Variants in SALL3 observed in about 807,000 individuals in gnomAD.
SALL3 encodes the protein spalt like transcription factor 3, also known as sal-like protein 3.
Under a neutral mutation model 66.2 loss-of-function variants are expected in SALL3, and 25 were observed. That is an observed-to-expected ratio of 0.38 (90% confidence interval 0.28 to 0.53). The LOEUF is 0.53. Among genes scored for constraint, SALL3 ranks in the 20% least tolerant of loss-of-function variants. SALL3 has a pLI of 0.85. For missense variants in SALL3, 2,194 were observed against 1,916.5 expected (o/e 1.14, Z -2.70); for synonymous variants, 1,152 against 899.1 (o/e 1.28, Z -5.03).
chr18:78,992,471 C>T lies in SALL3; in HGVS notation c.480C>T (p.Gly160=), dbSNP rs1410205046. 5.5e-6 allele frequency: 8 copies of T among 1,447,896 alleles called. No homozygotes were observed. The highest frequency in any genetic ancestry group is 2.6e-5 in the South Asian group (2 of 77,938). The allele number at this position is 1,447,896 out of a possible 1,614,324, so 89.7% of individuals were successfully genotyped here. A position where few individuals can be genotyped will look rare whatever the true frequency, so the allele number is the denominator to read the frequency against. Residue 160 remains glycine, a synonymous_variant, in exon 2 of 3, where the codon GGC becomes GGT. Transcript: ENST00000537592. ...AAPAPPTPAY[G]APSTNVTLEA... is the part of the protein sequence containing the mutation. ...CTGCACCCCCAACGCCCGCCTACGG[C>T]GCGCCCAGCACCAACGTGACCCTGG...
chr18:78,993,669 T>C lies in SALL3; in HGVS notation c.1678T>C (p.Ser560Pro). The C allele has an allele frequency of 1.9e-6, 3 of 1,588,272 alleles. No individual in the cohort carries two copies. Among genetic ancestry groups the C allele is most frequent in the Non-Finnish European group, 2.6e-6 (3 of 1,174,324 alleles). ...CTCCCCGCAGAGGCCCTCGCCCGCC[T>C]CCAGCGAGTGCGCCTCCTTGTCCCC... Reference protein sequence around the residue: ...SRSPQRPSPASSECASLSPGL... With the variant: ...SRSPQRPSPAPSECASLSPGL... Residue 560 changes from serine (S) to proline (P), a missense_variant, in exon 2 of 3, where the codon TCC (serine) becomes CCC (proline). By Grantham distance (74) the Ser-to-Pro change is moderately conservative. Coordinates refer to ENST00000537592, the MANE Select transcript of SALL3 (RefSeq NM_171999.4).
Position 78,998,426 on chromosome 18 carries a change from C to T in SALL3, c.*1104C>T, listed in dbSNP as rs957488050. 3 of 151,956 alleles carry T rather than the reference C, an allele frequency of 2.0e-5. No individual in the cohort carries two copies. The highest frequency in any genetic ancestry group is 7.3e-5 in the African/African-American group (3 of 41,224). 9.4% of individuals were successfully genotyped at this position (151,956 alleles called of 1,614,324 possible). A position where few individuals can be genotyped will look rare whatever the true frequency, so the allele number is the denominator to read the frequency against. On this transcript the variant is annotated 3_prime_UTR_variant, in exon 3 of 3. Coordinates refer to ENST00000537592, the MANE Select transcript of SALL3 (RefSeq NM_171999.4). ...CACTTGAAAAGCCACCAAGACTTGTCAGCTTTTCAGTAAAGTAGGGCCTGC... is the reference window on the plus strand; with the variant it reads ...CACTTGAAAAGCCACCAAGACTTGTTAGCTTTTCAGTAAAGTAGGGCCTGC...
At chr18:78,990,750 A>C (rs1914402757) in intron 1 of SALL3, among the ~76,000 whole-genome samples, 1 of 152,180 alleles carries the variant, frequency 6.6e-6, no homozygotes, top group African/African-American at 2.4e-5. Context: ...GTTGGAACTG[A>C]TTTGTTGCCA....
Position 78,992,877 on chromosome 18 carries a change from G to C in SALL3, c.886G>C (p.Glu296Gln), listed in dbSNP as rs1157693303. The C allele has an allele frequency of 1.7e-4, 164 of 985,902 alleles. No homozygotes were observed. The highest frequency in any genetic ancestry group is 1.9e-4 in the Non-Finnish European group (162 of 831,986). 61.1% of individuals were successfully genotyped at this position (985,902 alleles called of 1,614,324 possible). Reference sequence around the variant, plus strand: ...GGGCGCGCAGCCGCTGTCCCGGCCCGAGTCTGGCGCCAGCACCCCCGGCGG... The same window carrying C: ...GGGCGCGCAGCCGCTGTCCCGGCCCCAGTCTGGCGCCAGCACCCCCGGCGG... The part of the protein sequence containing the change: ...FEGAQPLSRP[E>Q]SGASTPGGPA... Residue 296 changes from glutamate to glutamine, a missense_variant, in exon 2 of 3, where the codon GAG becomes CAG. Coordinates refer to ENST00000537592, the MANE Select transcript of SALL3 (RefSeq NM_171999.4).
chr18:78,992,032 C>T (rs765998816), intron 1 of SALL3, 42 bp from the exon 2 acceptor site: 4 of 1,374,652 alleles, frequency 2.9e-6, no homozygotes, highest in Non-Finnish European at 3.8e-6. Context: ...AGACGGAGGG[C>T]GGGCGCCGAG....
chr18:78,989,376 C>T (rs536168733), intron 1 of SALL3, among the ~76,000 whole-genome samples: 3 of 152,192 alleles, frequency 2.0e-5, no homozygotes, highest in African/African-American at 7.2e-5. Flanking sequence ...GCAAAAAGCA[C>T]AAGATCTTTG....
At chr18:78,980,725 C>CCGG (rs1568286901) in intron 1 of SALL3, among the ~76,000 whole-genome samples, 1 of 118,198 alleles carries the variant, frequency 8.5e-6, no homozygotes, top group East Asian at 2.2e-4. Flanking sequence ...GACGCTGAGG[C>CCGG]CGGCGGCGGC....
intron 1 of SALL3, among the ~76,000 whole-genome samples, chr18:78,989,620 T>TA (rs1394432871): frequency 6.6e-6 from 1 of 152,222 alleles, no homozygotes; most frequent in African/African-American, 2.4e-5. Context: ...ACACACTTTG[T>TA]AAAACTGTAA....
At chr18:78,985,427 C>T (rs574771372) in intron 1 of SALL3, among the ~76,000 whole-genome samples, 1 of 152,210 alleles carries the variant, frequency 6.6e-6, no homozygotes, top group Non-Finnish European at 1.5e-5. Flanking sequence ...GATTCGTCGG[C>T]GTTACTGGTC....
In SALL3 at chr18:78,993,295, T is replaced by C; in HGVS notation, c.1304T>C (p.Leu435Pro). The change falls in exon 2 of 3, where the codon CTC becomes CCC. Residue 435 changes from leucine to proline, a missense_variant. By Grantham distance (98) the Leu-to-Pro change is moderately conservative (BLOSUM62 -3). Transcript: ENST00000537592. ...CAKVFGSDSA[L>P]QIHLRSHTGE... ...AAGGTCTTCGGCAGCGACAGCGCGC[T>C]CCAGATCCACCTGCGCTCGCACACA... The C allele has an allele frequency of 6.2e-7, 1 of 1,611,556 alleles. No individual in the cohort carries two copies. The highest frequency in any genetic ancestry group is 1.1e-5 in the South Asian group (1 of 91,034).
Position 78,998,952 on chromosome 18 carries a change from C to T in SALL3, c.*1630C>T, listed in dbSNP as rs1381567214. The T allele has an allele frequency of 1.3e-5, 2 of 152,182 alleles. No individual in the cohort carries two copies. Among genetic ancestry groups the T allele is most frequent in the Non-Finnish European group, 2.9e-5 (2 of 68,046 alleles). The allele number at this position is 152,182 out of a possible 1,614,324, so 9.4% of individuals were successfully genotyped here. ...GTGTGCTGGCGTCTGACACTATGAA[C>T]TTCCAACAACAAAATTGTTCAAGAG... On this transcript the variant is annotated 3_prime_UTR_variant, in exon 3 of 3. Transcript: ENST00000537592.
chr18:78,995,338 A>C lies in SALL3; in HGVS notation c.3347A>C (p.Gln1116Pro). 6.4e-7 allele frequency: 1 copy of C among 1,571,740 alleles called. No homozygotes were observed. Among genetic ancestry groups the C allele is most frequent in the Non-Finnish European group, 8.6e-7 (1 of 1,165,092 alleles). ...PRRTPKQHNCQSCGKTFSSAS... is the reference protein window; with the variant it reads ...PRRTPKQHNCPSCGKTFSSAS... ...CGGACGCCCAAGCAGCACAACTGCC[A>C]GTCGTGCGGGAAGACCTTCTCCTCG... is the stretch of plus-strand genomic sequence containing the variant. The change falls in exon 2 of 3, where the codon CAG becomes CCG. Residue 1116 changes from glutamine (Q) to proline (P), a missense_variant. By Grantham distance (76) the Gln-to-Pro change is moderately conservative (BLOSUM62 -1). Coordinates refer to ENST00000537592, the MANE Select transcript of SALL3 (RefSeq NM_171999.4).
chr18:78,985,188 G>A (rs1273575368), intron 1 of SALL3: 1 of 152,132 alleles, frequency 6.6e-6, no homozygotes, highest in Non-Finnish European at 1.5e-5. Flanking sequence ...CTGTGCTGTT[G>A]ACCTTGGCAA....
intron 1 of SALL3, among the ~76,000 whole-genome samples, chr18:78,981,590 A>G (rs941788070): frequency 1.7e-4 from 26 of 152,358 alleles, no homozygotes; most frequent in Admixed American, 9.1e-4. Flanking sequence ...CGGCTGGAGA[A>G]TTAATGAATT....
At chr18:78,989,524 G>C (rs1372496610) in intron 1 of SALL3, among the ~76,000 whole-genome samples, 1 of 152,118 alleles carries the variant, frequency 6.6e-6, no homozygotes, top group Non-Finnish European at 1.5e-5. Flanking sequence ...ATGATCCAAG[G>C]ATCAACCTAA....
rs755011219 is a variant in SALL3 at position 78,996,956 on chromosome 18, G to A, written c.3537G>A (p.Glu1179=). ...PARRGRRLSV[E]NPMALLGGDA... ...GACGCGGCCGCCGCCTGTCTGTGGAGAACCCCATGGCTCTCCTAGGGGGTG... is the reference window on the plus strand; with the variant it reads ...GACGCGGCCGCCGCCTGTCTGTGGAAAACCCCATGGCTCTCCTAGGGGGTG... Residue 1179 remains glutamate (E), a synonymous_variant, in exon 3 of 3, where the codon GAG becomes GAA. Coordinates refer to ENST00000537592, the MANE Select transcript of SALL3 (RefSeq NM_171999.4). The A allele has an allele frequency of 1.2e-6, 2 of 1,613,780 alleles. No homozygotes were observed. The highest frequency in any genetic ancestry group is 1.7e-6 in the Non-Finnish European group (2 of 1,179,976).
At chr18:78,995,867 G>C (rs565033198) in intron 2 of SALL3, among the ~76,000 whole-genome samples, 2 of 152,138 alleles carry the variant, frequency 1.3e-5, no homozygotes, top group South Asian at 4.1e-4. Flanking sequence ...GCTGTGGGGG[G>C]AACAGGAGCC....
chr18:78,982,167 T>C (rs1339944875), intron 1 of SALL3, among the ~76,000 whole-genome samples: 1 of 152,248 alleles, frequency 6.6e-6, no homozygotes, highest in African/African-American at 2.4e-5. Flanking sequence ...CATGCTGAAC[T>C]TAATAGTGTA....
chr18:78,991,947 TG>T, intron 1 of SALL3, 126 bp from the exon 2 acceptor site: 1 of 715,576 alleles, frequency 1.4e-6, no homozygotes, highest in Non-Finnish European at 2.1e-6. Context: ...ATACGCACGC[TG>T]GGACGTCAGA....
Sources: gnomAD v4.1 joint callset for allele counts (sites outside exome capture counted in the v4.1 genomes callset) on GRCh38, gnomAD v4.1.1 for gene constraint, MANE v1.5 for transcripts, NCBI Gene and HGNC (gene_info 2026-07-23, HGNC 2026-07-21) for gene names.